DDX43: variants seen among roughly 807,000 people sequenced by gnomAD.
The protein encoded by DDX43 is DEAD-box helicase 43, also known as probable ATP-dependent RNA helicase DDX43.
DDX43 carries 50 observed loss-of-function variants against 84.9 expected under a neutral mutation model. The ratio of observed to expected loss-of-function variants is 0.59; its 90% confidence interval spans 0.47 to 0.75. DDX43 has a LOEUF of 0.75. Among genes scored for constraint, DDX43 ranks in the 30% least tolerant of loss-of-function variants. The probability of loss-of-function intolerance (pLI) is 0.00; values close to 1 mark genes in which losing one functional copy is unlikely to be tolerated. For missense variants in DDX43, 689 were observed against 798.6 expected, an observed-to-expected ratio of 0.86 and a Z score of 1.65; for synonymous variants, 291 against 266.3, an observed-to-expected ratio of 1.09 and a Z score of -0.90.
At chr6:73,413,937 A>G in intron 12 of DDX43, 33 bp from the exon 13 acceptor site, 1 of 1,553,256 alleles carries the variant, frequency 6.4e-7, no homozygotes, top group South Asian at 1.1e-5. Context: ...TAGAATAAGC[A>G]CCTAAGAATG....
intron 11 of DDX43, 49 bp from the exon 12 acceptor site, chr6:73,413,609 A>G (rs763383405): frequency 1.9e-6 from 3 of 1,588,784 alleles, no homozygotes; most frequent in Non-Finnish European, 2.6e-6. Context: ...ATGCGGTCTC[A>G]CCCTCAATCA....
rs142708671 is a variant in DDX43 at position 73,396,927 on chromosome 6, C to G, written c.251-762C>G. Among the ~76,000 whole-genome samples, 869 of 152,194 alleles carry G rather than the reference C, an allele frequency of 5.7e-3. 13 individuals are homozygous for G. Among genetic ancestry groups the G allele is most frequent in the African/African-American group, 0.018 (761 of 41,536 alleles). On this transcript the variant is annotated intron_variant, in intron 1 of 16. Transcript: ENST00000370336. The stretch of plus-strand genomic sequence containing the variant: ...TCCTTACTAAGGCTGAATGGTATTC[C>G]ATTATTAAGTATATACCTTACTTTA...
At chr6:73,414,245 G>A (rs929851243) in intron 13 of DDX43, among the ~76,000 whole-genome samples, 166 bp downstream of exon 13, 1 of 152,072 alleles carries the variant, frequency 6.6e-6, no homozygotes, top group African/African-American at 2.4e-5. Context: ...CTGCCTTTAA[G>A]TATTAAATAA....
chr6:73,397,778 G>C, intron 2 of DDX43, 34 bp downstream of exon 2: 1 of 1,580,396 alleles, frequency 6.3e-7, no homozygotes. Context: ...CCTTAAGAGA[G>C]CATCATGCAT....
chr6:73,413,241 T>A (rs1323004184), intron 11 of DDX43, among the ~76,000 whole-genome samples: 1 of 152,192 alleles, frequency 6.6e-6, no homozygotes, highest in Non-Finnish European at 1.5e-5. Context: ...GAAATTGGCC[T>A]TTCACTTAAT....
intron 10 of DDX43, among the ~76,000 whole-genome samples, chr6:73,409,572 A>G (rs920561336): frequency 6.6e-6 from 1 of 152,220 alleles, no homozygotes; most frequent in Non-Finnish European, 1.5e-5. Flanking sequence ...ACATTTACTT[A>G]TCATAGTAAG....
In DDX43 at chr6:73,404,719, A is replaced by G. The variant is rs1460294657; in HGVS notation, c.598A>G (p.Lys200Glu). The part of the protein sequence containing the change: ...DLPPIKKNFY[K>E]ESTATSAMSK... ...ACCACCAATTAAGAAAAACTTTTATAAAGAGTCCACTGCCACAAGTGCCAT... is the reference window on the plus strand; with the variant it reads ...ACCACCAATTAAGAAAAACTTTTATGAAGAGTCCACTGCCACAAGTGCCAT... Residue 200 changes from lysine to glutamate, a missense_variant, in exon 5 of 17, where the codon AAA becomes GAA. Around this residue, in one of 2 missense-constraint regions of DDX43, gnomAD observed 552 missense variants for 692.7 expected, o/e 0.80. Coordinates refer to ENST00000370336, the MANE Select transcript of DDX43 (RefSeq NM_018665.3). 1.2e-6 allele frequency: 2 copies of G among 1,612,362 alleles called. No homozygotes were observed. The highest frequency in any genetic ancestry group is 1.7e-5 in the Admixed American group (1 of 59,558).
intron 10 of DDX43, among the ~76,000 whole-genome samples, chr6:73,411,154 T>G (rs1462464155): frequency 1.0e-5 from 1 of 100,286 alleles, no homozygotes. Flanking sequence ...CCAACCTGGG[T>G]GACAGAGCAA....
At chr6:73,398,555 G>A (rs1352389674) in intron 2 of DDX43, among the ~76,000 whole-genome samples, 2 of 151,340 alleles carry the variant, frequency 1.3e-5, no homozygotes, top group Admixed American at 6.5e-5. Context: ...CCCAGTCGGA[G>A]GTAAAAATCG....
Position 73,395,157 on chromosome 6 carries a change from T to A in DDX43, c.250+2T>A. 6.2e-7 allele frequency: 1 copy of A among 1,607,782 alleles called. No individual in the cohort carries two copies. The highest frequency in any genetic ancestry group is 8.5e-7 in the Non-Finnish European group (1 of 1,177,214). ...GCCACTTTGTTGGCGCGGTAATCGG[T>A]GAGAATGGGAGTGGCTGGCAGGGCA... On this transcript the variant is annotated splice_donor_variant, in intron 1 of 16. Transcript: ENST00000370336. LOFTEE classifies it high-confidence loss of function.
intron 4 of DDX43, among the ~76,000 whole-genome samples, chr6:73,402,353 C>CA (rs527877730): frequency 1.7e-4 from 25 of 147,892 alleles, no homozygotes; most frequent in Non-Finnish European, 3.4e-4. Context: ...TTGACAAGAG[C>CA]AAAAAAAAAG....
intron 5 of DDX43, among the ~76,000 whole-genome samples, chr6:73,405,030 A>G (rs867115608): frequency 5.3e-5 from 8 of 152,168 alleles, no homozygotes; most frequent in South Asian, 2.1e-4. Context: ...GAATGTTTAT[A>G]TGAAATTGAA....
chr6:73,414,687 G>C lies in DDX43; in HGVS notation c.1745+1G>C. The C allele has an allele frequency of 6.2e-7, 1 of 1,609,222 alleles. No homozygotes were observed. Among genetic ancestry groups the C allele is most frequent in the South Asian group, 1.1e-5 (1 of 89,966 alleles). On this transcript the variant is annotated splice_donor_variant, in intron 14 of 16. Coordinates refer to ENST00000370336, the MANE Select transcript of DDX43 (RefSeq NM_018665.3). LOFTEE classifies it high-confidence loss of function. ...GAATAGGGCGCACGGGAAGAGCAGG[G>C]TAAGTAAGCTTAGTCCACCCATGAA...
At chr6:73,403,850 T>C (rs561623954) in intron 4 of DDX43, among the ~76,000 whole-genome samples, 39 of 150,776 alleles carry the variant, frequency 2.6e-4, no homozygotes, top group Non-Finnish European at 5.2e-4. Flanking sequence ...GGAGTTTCGC[T>C]CTTGTTGCCC....
intron 2 of DDX43, among the ~76,000 whole-genome samples, chr6:73,398,484 T>C (rs1769512948): frequency 6.6e-6 from 1 of 152,134 alleles, no homozygotes; most frequent in Non-Finnish European, 1.5e-5. Flanking sequence ...ACTCCTGACC[T>C]CGGGTGATCC....
At chr6:73,415,705 C>A in intron 15 of DDX43, 121 bp downstream of exon 15, 3 of 655,658 alleles carry the variant, frequency 4.6e-6, no homozygotes, top group South Asian at 2.2e-5. Flanking sequence ...GTTTTGAGGG[C>A]TTTAGCATGG....
chr6:73,415,949 A>C (rs1034185942), intron 15 of DDX43, among the ~76,000 whole-genome samples, 164 bp from the exon 16 acceptor site: 1 of 152,194 alleles, frequency 6.6e-6, no homozygotes. Context: ...TGAAGCAGCA[A>C]ATTTTATAGC....
rs1299033080 is a variant in DDX43 at position 73,401,948 on chromosome 6, A to C, written c.526A>C (p.Ile176Leu). The C allele has an allele frequency of 6.2e-7, 1 of 1,614,056 alleles. No individual in the cohort carries two copies. The highest frequency in any genetic ancestry group is 8.5e-7 in the Non-Finnish European group (1 of 1,180,024). Residue 176 changes from isoleucine (I) to leucine (L), a missense_variant, in exon 4 of 17, where the codon ATT becomes CTT. Physicochemically the swap from Ile to Leu is conservative, Grantham distance 5 (BLOSUM62 2). This residue lies in a region of DDX43 where 552 missense variants were observed against 692.7 expected (regional missense o/e 0.80). Coordinates refer to ENST00000370336, the MANE Select transcript of DDX43 (RefSeq NM_018665.3). ...GDRPLIDWDQ[I>L]REEGLKWQKT... ...TCGGCCATTGATAGATTGGGATCAA[A>C]TTAGAGAGGAAGGTTTGAAATGGCA...
Position 73,400,387 on chromosome 6 carries a change from C to G in DDX43, c.436+24C>G. ...TGGTAAGTAATTTTCTCCCACTGAA[C>G]CCCTTTAAAAGTTTTTAATTTCATT... On this transcript the variant is annotated intron_variant, in intron 3 of 16. Coordinates refer to ENST00000370336, the MANE Select transcript of DDX43 (RefSeq NM_018665.3). 3 of 1,581,628 alleles carry G rather than the reference C, an allele frequency of 1.9e-6. No individual in the cohort carries two copies. In the South Asian group the frequency reaches 3.5e-5, roughly 19 times the overall value.
Sources: allele counts gnomAD v4.1 joint callset (sites outside exome capture counted in the v4.1 genomes callset), GRCh38; gene constraint gnomAD v4.1.1; regional missense constraint gnomAD v4.1.1; transcripts MANE v1.5; gene names NCBI Gene and HGNC (gene_info 2026-07-23, HGNC 2026-07-21).